Variants in CSMD1 observed in about 807,000 individuals in gnomAD.
The protein encoded by CSMD1 is CUB and sushi domain-containing protein 1.
CSMD1 carries 213 observed loss-of-function variants against 417.5 expected under a neutral mutation model. The observed-to-expected ratio is 0.51, with a 90% CI of 0.46 to 0.57. The LOEUF (loss-of-function observed/expected upper bound fraction) is 0.57, where lower values mean the gene tolerates loss of function less well. Ranked by LOEUF, CSMD1 falls within the 20% of genes least tolerant of loss-of-function variation. The pLI, the probability that CSMD1 is intolerant of heterozygous loss-of-function variation, is 0.00. For missense variants in CSMD1, 6,923 were observed against 4,529.7 expected (o/e 1.53, Z -15.17); for synonymous variants, 2,862 against 1,736.8 (o/e 1.65, Z -16.11).
At chr8:3,757,376 G>A (rs908424959) in intron 5 of CSMD1, among the ~76,000 whole-genome samples, 24 of 152,330 alleles carry the variant, frequency 1.6e-4, no homozygotes, top group Admixed American at 9.8e-4. Flanking sequence ...GGCAGTGGGT[G>A]TGTTCCAATA....
intron 10 of CSMD1, among the ~76,000 whole-genome samples, chr8:3,504,434 A>T (rs762258026): frequency 2.0e-5 from 3 of 152,188 alleles, no homozygotes; most frequent in Non-Finnish European, 2.9e-5. Context: ...CAGTGCAAGC[A>T]AGGTGTGTAC....
chr8:4,979,841 T>A (rs996849598), intron 1 of CSMD1, among the ~76,000 whole-genome samples: 1 of 152,048 alleles, frequency 6.6e-6, no homozygotes, highest in Non-Finnish European at 1.5e-5. Flanking sequence ...ATCTAGATCA[T>A]CCTGGCTAAC....
At chr8:4,097,428 C>G (rs80351889) in intron 3 of CSMD1, among the ~76,000 whole-genome samples, 3 of 152,100 alleles carry the variant, frequency 2.0e-5, no homozygotes. Flanking sequence ...TATACATATA[C>G]GCTAAATAAA....
intron 9 of CSMD1, among the ~76,000 whole-genome samples, chr8:3,581,986 A>T (rs1199794650): frequency 6.6e-6 from 1 of 152,098 alleles, no homozygotes; most frequent in Non-Finnish European, 1.5e-5. Flanking sequence ...GCAGAGACAG[A>T]GTTTCACTAT....
intron 6 of CSMD1, among the ~76,000 whole-genome samples, chr8:3,753,079 T>C (rs530983930): frequency 3.9e-5 from 6 of 152,298 alleles, no homozygotes; most frequent in African/African-American, 1.2e-4. Flanking sequence ...TGCTGTAATT[T>C]CTCTGGCACT....
chr8:3,908,296 A>G (rs555409892), intron 5 of CSMD1, among the ~76,000 whole-genome samples: 87 of 152,338 alleles, frequency 5.7e-4, no homozygotes, highest in African/African-American at 2.0e-3. Flanking sequence ...AACATCGCAT[A>G]TATCATGAAA....
At chr8:4,737,871 C>T (rs2116988492) in intron 1 of CSMD1, among the ~76,000 whole-genome samples, 1 of 152,202 alleles carries the variant, frequency 6.6e-6, no homozygotes, top group Admixed American at 6.5e-5. Context: ...CCCACAACAA[C>T]AAAGTTAATC....
At chr8:4,827,134 T>G (rs990556834) in intron 1 of CSMD1, among the ~76,000 whole-genome samples, 3 of 152,118 alleles carry the variant, frequency 2.0e-5, no homozygotes, top group African/African-American at 7.2e-5. Flanking sequence ...TCAGCTAGAA[T>G]AATTAAAACA....
At chr8:4,810,541 G>A (rs1161136924) in intron 1 of CSMD1, among the ~76,000 whole-genome samples, 3 of 152,252 alleles carry the variant, frequency 2.0e-5, no homozygotes, top group Admixed American at 1.3e-4. Context: ...GTGTGTGTGT[G>A]CGCACGCGCG....
intron 7 of CSMD1, among the ~76,000 whole-genome samples, chr8:3,673,860 G>C (rs1431751083): frequency 1.3e-5 from 2 of 152,160 alleles, no homozygotes; most frequent in African/African-American, 4.8e-5. Flanking sequence ...GCTCACCCCT[G>C]TAATCCTAGC....
At chr8:4,318,065 C>G (rs117374012) in intron 3 of CSMD1, among the ~76,000 whole-genome samples, 10 of 152,138 alleles carry the variant, frequency 6.6e-5, no homozygotes, top group Middle Eastern at 3.4e-3. Flanking sequence ...TTTTTTCTCA[C>G]GTAAGTGTGA....
chr8:4,834,123 T>G (rs1218742234), intron 1 of CSMD1, among the ~76,000 whole-genome samples: 1 of 152,232 alleles, frequency 6.6e-6, no homozygotes, highest in Non-Finnish European at 1.5e-5. Context: ...TGTTACATAA[T>G]TGAAAGTTTT....
chr8:3,047,993 T>C (rs1811570626), intron 50 of CSMD1, among the ~76,000 whole-genome samples: 1 of 152,244 alleles, frequency 6.6e-6, no homozygotes, highest in African/African-American at 2.4e-5. Context: ...ATTTTGTCAA[T>C]CTGTGAAGTA....
At chr8:3,524,916 G>C (rs1000716268) in intron 10 of CSMD1, among the ~76,000 whole-genome samples, 1 of 151,772 alleles carries the variant, frequency 6.6e-6, no homozygotes, top group East Asian at 1.9e-4. Flanking sequence ...TAATAAACTT[G>C]GTATCATGAA....
intron 5 of CSMD1, among the ~76,000 whole-genome samples, chr8:3,891,039 T>G (rs929397434): frequency 7.1e-5 from 10 of 141,034 alleles, no homozygotes; most frequent in East Asian, 4.1e-4. Flanking sequence ...AGCTTTTTTG[T>G]TTTTTTTTTG....
chr8:4,006,113 G>A (rs1005663431), intron 4 of CSMD1, among the ~76,000 whole-genome samples: 2 of 152,182 alleles, frequency 1.3e-5, no homozygotes. Flanking sequence ...CATGTCCGAG[G>A]AGACTTGATA....
At chr8:4,155,087 A>G (rs1231331397) in intron 3 of CSMD1, among the ~76,000 whole-genome samples, 2 of 152,158 alleles carry the variant, frequency 1.3e-5, no homozygotes, top group Non-Finnish European at 2.9e-5. Context: ...CTTTGAACTC[A>G]TGCAATGCCT....
chr8:4,153,778 G>C (rs1415833472), intron 3 of CSMD1, among the ~76,000 whole-genome samples: 1 of 152,176 alleles, frequency 6.6e-6, no homozygotes, highest in Non-Finnish European at 1.5e-5. Flanking sequence ...CCCTTTGTCA[G>C]GGGAAACACA....
At chr8:4,709,004 C>T (rs532633795) in intron 1 of CSMD1, among the ~76,000 whole-genome samples, 1 of 152,082 alleles carries the variant, frequency 6.6e-6, no homozygotes, top group Non-Finnish European at 1.5e-5. Flanking sequence ...ACCTCCTGAA[C>T]CTTGACAAAA....
Sources: allele counts gnomAD v4.1 joint callset (sites outside exome capture counted in the v4.1 genomes callset), GRCh38; gene constraint gnomAD v4.1.1; transcripts MANE v1.5; gene names NCBI Gene and HGNC (gene_info 2026-07-23, HGNC 2026-07-21).